The following PXDC1 variants were observed in gnomAD, a reference collection of about 807,000 sequenced individuals.
PXDC1 encodes the protein PX domain-containing protein 1.
In PXDC1, 13 loss-of-function variants were observed where a neutral mutation model predicts 24.4. The observed-to-expected ratio is 0.53, with a 90% CI of 0.35 to 0.85. The LOEUF is 0.85. Among genes scored for constraint, PXDC1 ranks in the 40% least tolerant of loss-of-function variants. PXDC1 has a pLI of 0.01. For missense variants in PXDC1, 344 were observed against 309.3 expected (o/e 1.11, Z -0.84); for synonymous variants, 162 against 124.9 (o/e 1.30, Z -1.98).
At chr6:3,744,703 A>G (rs914638574) in intron 1 of PXDC1, among the ~76,000 whole-genome samples, 10 of 152,108 alleles carry the variant, frequency 6.6e-5, no homozygotes, top group African/African-American at 2.4e-4. Flanking sequence ...GTTTTTATTT[A>G]TTTATTTATT....
In PXDC1 at chr6:3,738,296, G is replaced by A. The variant is rs142708468; in HGVS notation, c.257-148C>T. The A allele has an allele frequency of 1.2e-4, 82 of 659,258 alleles. No homozygotes were observed. The East Asian group carries it at 2.2e-3, about 17-fold the overall frequency. 40.8% of individuals were successfully genotyped at this position (659,258 alleles called of 1,614,324 possible). A position where few individuals can be genotyped will look rare whatever the true frequency, so the allele number is the denominator to read the frequency against. On this transcript the variant is annotated intron_variant, in intron 1 of 4. Coordinates refer to ENST00000380283, the MANE Select transcript of PXDC1 (RefSeq NM_183373.4). ...ATTCATTCAGCCTTATGCACCTATA[G>A]CCGCTTTCTGGAAGTCCTGCTCTAA...
chr6:3,727,367 C>CA (rs1375307709), intron 4 of PXDC1, among the ~76,000 whole-genome samples, 184 bp downstream of exon 4: 2 of 152,342 alleles, frequency 1.3e-5, no homozygotes, highest in Non-Finnish European at 2.9e-5. Context: ...TCCACAGATT[C>CA]ACTCATCAAG....
chr6:3,737,935 C>CA lies in PXDC1; in HGVS notation c.348+121dup. On this transcript the variant is annotated intron_variant, in intron 2 of 4. Coordinates refer to ENST00000380283, the MANE Select transcript of PXDC1 (RefSeq NM_183373.4). This position sits in a 1 kb window ranked among gnomAD's most constrained non-coding sequence, Gnocchi z 5.5. ...TCGCCTGGTACTACCAGGGAGGGAA[C>CA]AAAACGGCTAAGTGAGACAGAGCAA... The CA allele has an allele frequency of 1.2e-6, 1 of 849,948 alleles. No homozygotes were observed. The highest frequency in any genetic ancestry group is 1.9e-6 in the Non-Finnish European group (1 of 528,512). The allele number at this position is 849,948 out of a possible 1,614,324, so 52.7% of individuals were successfully genotyped here. A position where few individuals can be genotyped will look rare whatever the true frequency, so the allele number is the denominator to read the frequency against.
chr6:3,737,928 G>T lies in PXDC1; in HGVS notation c.348+129C>A. On this transcript the variant is annotated intron_variant, in intron 2 of 4. Coordinates refer to ENST00000380283, the MANE Select transcript of PXDC1 (RefSeq NM_183373.4). This position sits in a 1 kb window ranked among gnomAD's most constrained non-coding sequence, Gnocchi z 5.5. ...GTCCCTATCGCCTGGTACTACCAGG[G>T]AGGGAACAAAACGGCTAAGTGAGAC... 1 of 805,404 alleles carries T rather than the reference G, an allele frequency of 1.2e-6. No homozygotes were observed. Among genetic ancestry groups the T allele is most frequent in the Non-Finnish European group, 2.0e-6 (1 of 491,820 alleles). 49.9% of individuals were successfully genotyped at this position (805,404 alleles called of 1,614,324 possible).
chr6:3,751,180 G>A (rs1212327510), intron 1 of PXDC1, 96 bp downstream of exon 1: 14 of 974,022 alleles, frequency 1.4e-5, no homozygotes, highest in South Asian at 5.7e-5. Context: ...GCAGAAAGGA[G>A]AAGTCGCAAT....
intron 4 of PXDC1, among the ~76,000 whole-genome samples, chr6:3,727,041 G>A (rs1311063749): frequency 6.6e-6 from 1 of 152,256 alleles, no homozygotes; most frequent in African/African-American, 2.4e-5. Context: ...AGCCAAGGCT[G>A]AAGATGCTGC....
At chr6:3,742,251 T>A (rs927597469) in intron 1 of PXDC1, among the ~76,000 whole-genome samples, 1 of 152,254 alleles carries the variant, frequency 6.6e-6, no homozygotes, top group Non-Finnish European at 1.5e-5. Flanking sequence ...GTGACTCAAG[T>A]GCTTTGGCTT....
chr6:3,746,795 G>A (rs1339583720), intron 1 of PXDC1, among the ~76,000 whole-genome samples: 1 of 152,124 alleles, frequency 6.6e-6, no homozygotes, highest in Non-Finnish European at 1.5e-5. Context: ...GTAACACAGG[G>A]CTTCTCCCCT....
intron 1 of PXDC1, among the ~76,000 whole-genome samples, chr6:3,739,421 C>T (rs970432939): frequency 6.6e-6 from 1 of 152,268 alleles, no homozygotes; most frequent in African/African-American, 2.4e-5. Flanking sequence ...GCAGGCATCC[C>T]TGCTTAGCAG....
intron 3 of PXDC1, among the ~76,000 whole-genome samples, chr6:3,736,089 A>T (rs1420871413): frequency 6.6e-6 from 1 of 152,038 alleles, no homozygotes; most frequent in African/African-American, 2.4e-5. Flanking sequence ...TGTGGCCCAT[A>T]ATCAGCAAGG....
At position 3,728,804 on chromosome 6, in the gene PXDC1, C is replaced by T. The variant is rs143440269; in HGVS notation, c.467-1142G>A. ...TGTATTTTCTGAGGGACCGCGTTTC[C>T]GTCCCCTCGCTCAGCAGATGAGATC... On this transcript the variant is annotated intron_variant, in intron 3 of 4. Transcript: ENST00000380283. This position sits in a 1 kb window ranked among gnomAD's most constrained non-coding sequence, Gnocchi z 4.0. Among the ~76,000 whole-genome samples, 687 of 152,254 alleles carry T rather than the reference C, an allele frequency of 4.5e-3. 8 individuals are homozygous for T. The highest frequency in any genetic ancestry group is 0.016 in the African/African-American group (650 of 41,524).
rs114032149 is a variant in PXDC1, at chr6:3,738,014, A to T, written c.348+43T>A. On this transcript the variant is annotated intron_variant, in intron 2 of 4. Coordinates refer to ENST00000380283, the MANE Select transcript of PXDC1 (RefSeq NM_183373.4). ...CCTTTCGCATTTGGGAGGTGCCAGC[A>T]CCTCCCACCTCCCTGCCCAGCCCGG... The T allele has an allele frequency of 8.2e-4, 1,235 of 1,513,582 alleles. 12 individuals are homozygous for T. The African/African-American group carries it at 0.016, about 19-fold the overall frequency. 93.8% of individuals were successfully genotyped at this position (1,513,582 alleles called of 1,614,324 possible).
In PXDC1 at chr6:3,727,403, A is replaced by G. The variant is rs226960; in HGVS notation, c.578+148T>C. The G allele has an allele frequency of 5.0e-3, 2,971 of 588,348 alleles. 21 individuals are homozygous for G. Among genetic ancestry groups the G allele is most frequent in the East Asian group, 0.023 (792 of 34,576 alleles). The allele number at this position is 588,348 out of a possible 1,614,324, so 36.4% of individuals were successfully genotyped here. On this transcript the variant is annotated intron_variant, in intron 4 of 4. Transcript: ENST00000380283. ...ATCTCACCAGACTCTAGGAAAGGCA[A>G]ACTTCTAAAATCAGTGTCCAAATGC...
In PXDC1 at chr6:3,723,554, A is replaced by C; in HGVS notation, c.*65T>G. On this transcript the variant is annotated 3_prime_UTR_variant, in exon 5 of 5. Transcript: ENST00000380283. ...GGCAGCAGCTGTGACCATGGGGGCC[A>C]GCACAGTGGACAGCATCAGAGCTGG... is the stretch of plus-strand genomic sequence containing the variant. 2.4e-6 allele frequency: 3 copies of C among 1,258,888 alleles called. No homozygotes were observed. Among genetic ancestry groups the C allele is most frequent in the Non-Finnish European group, 3.5e-6 (3 of 859,980 alleles). 78.0% of individuals were successfully genotyped at this position (1,258,888 alleles called of 1,614,324 possible).
chr6:3,732,400 G>A (rs1760220387), intron 3 of PXDC1, among the ~76,000 whole-genome samples: 1 of 152,138 alleles, frequency 6.6e-6, no homozygotes, highest in Non-Finnish European at 1.5e-5. Context: ...GTTGAGATTG[G>A]CCAGAAGCCA....
intron 4 of PXDC1, 138 bp from the exon 5 acceptor site, chr6:3,723,874 G>A: frequency 1.5e-6 from 1 of 666,986 alleles, no homozygotes; most frequent in Non-Finnish European, 2.7e-6. Context: ...GAACTGGTGA[G>A]CTGGCTCCTG....
intron 1 of PXDC1, among the ~76,000 whole-genome samples, chr6:3,749,826 T>A: frequency 6.6e-6 from 1 of 152,218 alleles, no homozygotes; most frequent in East Asian, 1.9e-4. Flanking sequence ...CTCAGACGCC[T>A]GACCACAGTG....
At chr6:3,743,245 T>G (rs920177078) in intron 1 of PXDC1, among the ~76,000 whole-genome samples, 2 of 152,096 alleles carry the variant, frequency 1.3e-5, no homozygotes, top group African/African-American at 4.8e-5. Context: ...GGTCACACGT[T>G]AAAGAGCGTC....
rs529106908 is a variant in PXDC1 at position 3,725,335 on chromosome 6, C to T, written c.579-1599G>A. Reference sequence around the variant, plus strand: ...CATGGGGCTAAGGCTCCCTGAGGTCCCCACAGAACCGCCCAGTGCCTCGGC... The same window carrying T: ...CATGGGGCTAAGGCTCCCTGAGGTCTCCACAGAACCGCCCAGTGCCTCGGC... On this transcript the variant is annotated intron_variant, in intron 4 of 4. Coordinates refer to ENST00000380283, the MANE Select transcript of PXDC1 (RefSeq NM_183373.4). The surrounding 1 kb of genome is among the most constrained non-coding windows in gnomAD (Gnocchi z 4.8). Among the ~76,000 whole-genome samples the T allele has an allele frequency of 4.6e-5, 7 of 152,292 alleles. No individual in the cohort carries two copies. In the South Asian group the frequency reaches 1.0e-3, roughly 23 times the overall value.
Sources: gnomAD v4.1 joint callset for allele counts (sites outside exome capture counted in the v4.1 genomes callset) on GRCh38, gnomAD v4.1.1 for gene constraint, Gnocchi (gnomAD v3.1) non-coding constraint, MANE v1.5 for transcripts, NCBI Gene and HGNC (gene_info 2026-07-23, HGNC 2026-07-21) for gene names.